PRKDC: variants seen among roughly 807,000 people sequenced by gnomAD.
PRKDC encodes DNA-dependent protein kinase catalytic subunit.
In PRKDC, 82 loss-of-function variants were observed where a neutral mutation model predicts 486.9. The observed-to-expected ratio is 0.17, with a 90% CI of 0.14 to 0.20. The LOEUF is 0.20. PRKDC is among the 10% of genes least tolerant of loss of function. The pLI, the probability that PRKDC is intolerant of heterozygous loss-of-function variation, is 1.00. For missense variants in PRKDC, 4,504 were observed against 5,038.2 expected (o/e 0.89, Z 3.21); for synonymous variants, 1,895 against 1,837.0 (o/e 1.03, Z -0.81).
intron 7 of PRKDC, among the ~76,000 whole-genome samples, chr8:47,952,240 A>T (rs555338764): frequency 1.1e-3 from 162 of 152,352 alleles, no homozygotes; most frequent in South Asian, 3.9e-3. Context: ...GGATGAATGA[A>T]TCAACAAAAT....
chr8:47,831,906 G>A lies in PRKDC; in HGVS notation c.8173C>T (p.Leu2725=), dbSNP rs766994936. 1 of 1,612,990 alleles carries A rather than the reference G, an allele frequency of 6.2e-7. No individual in the cohort carries two copies. Among genetic ancestry groups the A allele is most frequent in the African/African-American group, 1.3e-5 (1 of 74,904 alleles). ...KVKGAAGRTD[L]LRLRRRFMRD... ...ATAAACCGTCTGCGCAGTCGTAGTA[G>A]GTCCGTCCGGCCGGCCGCACCTGGA... Residue 2725 remains leucine, a synonymous_variant, in exon 60 of 86, where the codon CTA becomes TTA. Transcript: ENST00000314191.
At chr8:47,799,838 G>T (rs574400028) in intron 71 of PRKDC, among the ~76,000 whole-genome samples, 1 of 152,130 alleles carries the variant, frequency 6.6e-6, no homozygotes, top group Non-Finnish European at 1.5e-5. Context: ...AAAATAATCG[G>T]CAAGAAGCTA....
At chr8:47,952,048 C>G (rs1402233640) in intron 7 of PRKDC, among the ~76,000 whole-genome samples, 4 of 152,178 alleles carry the variant, frequency 2.6e-5, no homozygotes. Flanking sequence ...CTGTGAAAAA[C>G]AGTATGACGA....
At chr8:47,905,573 AAC>A (rs1188796519) in intron 25 of PRKDC, among the ~76,000 whole-genome samples, 1 of 152,164 alleles carries the variant, frequency 6.6e-6, no homozygotes, top group Non-Finnish European at 1.5e-5. Context: ...CCCACAGCCT[AAC>A]TGTCTCCCCT....
At position 47,785,226 on chromosome 8, in the gene PRKDC, A is replaced by G; in HGVS notation, c.10994T>C (p.Met3665Thr). 1.2e-6 allele frequency: 2 copies of G among 1,613,914 alleles called. No homozygotes were observed. The highest frequency in any genetic ancestry group is 1.1e-5 in the South Asian group (1 of 91,066). Residue 3665 changes from methionine (M) to threonine (T), a missense_variant, in exon 77 of 86, where the codon ATG (methionine) becomes ACG (threonine). Met to Thr is a moderately conservative substitution (Grantham distance 81). Coordinates refer to ENST00000314191, the MANE Select transcript of PRKDC (RefSeq NM_006904.7). Reference sequence around the variant, plus strand: ...GTCTTTGTTCATTTTTAAAAGTAGCATGTTGGTAATGTCGTTGAAGTCACT... The same window carrying G: ...GTCTTTGTTCATTTTTAAAAGTAGCGTGTTGGTAATGTCGTTGAAGTCACT... ...KLSDFNDITN[M>T]LLLKMNKDSK...
intron 67 of PRKDC, among the ~76,000 whole-genome samples, chr8:47,818,632 A>G (rs1226413237): frequency 1.3e-5 from 2 of 151,822 alleles, no homozygotes; most frequent in Admixed American, 6.6e-5. Flanking sequence ...AGAGATTAAC[A>G]TAGCTCCTGA....
intron 11 of PRKDC, among the ~76,000 whole-genome samples, chr8:47,938,380 C>T (rs1358616193): frequency 6.7e-6 from 1 of 149,382 alleles, no homozygotes. Context: ...CATCGCACTC[C>T]AGCCTGGGCA....
At position 47,785,256 on chromosome 8, in the gene PRKDC, T is replaced by A; in HGVS notation, c.10964A>T (p.Lys3655Met). ...GGTAATGTCGTTGAAGTCACTGAGC[T>A]TCATTCTCAGTAGTTTAGAACCTCC... is the stretch of plus-strand genomic sequence containing the variant. ...GKGGSKLLRMKLSDFNDITNM... is the reference protein window; with the variant it reads ...GKGGSKLLRMMLSDFNDITNM... Residue 3655 changes from lysine (K) to methionine (M), a missense_variant, in exon 77 of 86, where the codon AAG becomes ATG. By Grantham distance (95) the Lys-to-Met change is moderately conservative (BLOSUM62 -1). This residue lies in a region of PRKDC where 706 missense variants were observed against 945.0 expected (regional missense o/e 0.75). Transcript: ENST00000314191. The A allele has an allele frequency of 1.9e-6, 3 of 1,613,274 alleles. No individual in the cohort carries two copies. Among genetic ancestry groups the A allele is most frequent in the Non-Finnish European group, 2.5e-6 (3 of 1,179,488 alleles).
chr8:47,848,927 C>T (rs1001262415), intron 54 of PRKDC, among the ~76,000 whole-genome samples: 5 of 152,190 alleles, frequency 3.3e-5, no homozygotes, highest in Non-Finnish European at 2.9e-5. Context: ...ATGAAAAACA[C>T]GCCCTGGGAT....
intron 69 of PRKDC, among the ~76,000 whole-genome samples, chr8:47,803,933 C>CAAAAAA (rs58802347): frequency 2.1e-5 from 3 of 141,542 alleles, no homozygotes; most frequent in African/African-American, 7.9e-5. Flanking sequence ...AGCAAGTCTC[C>CAAAAAA]AAAAAAAAAA....
rs535376796 is a variant in PRKDC, at chr8:47,877,755, A to G, written c.5332T>C (p.Phe1778Leu). The G allele has an allele frequency of 1.3e-6, 2 of 1,595,148 alleles. No homozygotes were observed. Among genetic ancestry groups the G allele is most frequent in the African/African-American group, 2.7e-5 (2 of 74,358 alleles). Residue 1778 changes from phenylalanine (F) to leucine (L), a missense_variant, in exon 40 of 86, where the codon TTT (phenylalanine) becomes CTT (leucine). Phe to Leu is a conservative substitution (Grantham distance 22). Around this residue, in one of 6 missense-constraint regions of PRKDC, gnomAD observed 1,969 missense variants for 2,068.9 expected, o/e 0.95. Transcript: ENST00000314191. The stretch of plus-strand genomic sequence containing the variant: ...GCAATCCTCCTGAAACTGGATTGAA[A>G]TAATTCTTCCATGACATGCTGCTGT... ...REQQHVMEEL[F>L]QSSFRRIARR...
chr8:47,881,087 A>C (rs539156078), intron 38 of PRKDC, among the ~76,000 whole-genome samples: 129 of 134,898 alleles, frequency 9.6e-4, no homozygotes, highest in East Asian at 5.9e-3. Context: ...AGAAAGCAAG[A>C]AAGCAAGCAA....
intron 16 of PRKDC, among the ~76,000 whole-genome samples, chr8:47,931,624 G>A (rs2090255725): frequency 6.6e-6 from 1 of 152,096 alleles, no homozygotes; most frequent in Non-Finnish European, 1.5e-5. Context: ...TAAAGCTGAT[G>A]TGACCACCGG....
intron 36 of PRKDC, among the ~76,000 whole-genome samples, chr8:47,885,303 C>A (rs535387569): frequency 6.6e-6 from 1 of 152,128 alleles, no homozygotes; most frequent in East Asian, 1.9e-4. Flanking sequence ...AGGCACACAC[C>A]ACCATGCCTG....
intron 21 of PRKDC, 60 bp downstream of exon 21, chr8:47,927,134 T>G: frequency 6.6e-7 from 1 of 1,518,428 alleles, no homozygotes; most frequent in South Asian, 1.2e-5. Flanking sequence ...GTCCTACCTA[T>G]TATAGTTACT....
Position 47,954,384 on chromosome 8 carries a change from A to G in PRKDC, c.462T>C (p.Ser154=). 7.2e-7 allele frequency: 1 copy of G among 1,389,608 alleles called. No homozygotes were observed. Among genetic ancestry groups the G allele is most frequent in the Non-Finnish European group, 9.8e-7 (1 of 1,022,608 alleles). 86.1% of individuals were successfully genotyped at this position (1,389,608 alleles called of 1,614,324 possible). ...TCAATGCAAGTTCTCCATAGAATTTACTAAATAATTCTCCAATTTTAAATT... is the reference window on the plus strand; with the variant it reads ...TCAATGCAAGTTCTCCATAGAATTTGCTAAATAATTCTCCAATTTTAAATT... ...MDEFKIGELF[S]KFYGELALKK... The change falls in exon 5 of 86, where the codon AGT becomes AGC. Residue 154 remains serine, a synonymous_variant. Coordinates refer to ENST00000314191, the MANE Select transcript of PRKDC (RefSeq NM_006904.7).
At chr8:47,819,552 A>C in intron 66 of PRKDC, 42 bp from the exon 67 acceptor site, 2 of 1,063,736 alleles carry the variant, frequency 1.9e-6, no homozygotes, top group Non-Finnish European at 2.7e-6. Context: ...TACAAATGCC[A>C]TGTTATAAAT....
chr8:47,839,027 A>T, intron 56 of PRKDC, 121 bp downstream of exon 56: 1 of 719,574 alleles, frequency 1.4e-6, no homozygotes, highest in African/African-American at 1.8e-5. Flanking sequence ...TGTGAAATGC[A>T]GAAAGCAGAG....
intron 21 of PRKDC, among the ~76,000 whole-genome samples, chr8:47,920,458 A>ATT (rs2090053645): frequency 1.3e-5 from 2 of 152,226 alleles, no homozygotes; most frequent in African/African-American, 2.4e-5. Flanking sequence ...GATAAATTAG[A>ATT]TTATAAAGTC....
Sources: gnomAD v4.1 joint callset for allele counts (sites outside exome capture counted in the v4.1 genomes callset) on GRCh38, gnomAD v4.1.1 for gene constraint, gnomAD v4.1.1 regional missense constraint, MANE v1.5 for transcripts, NCBI Gene and HGNC (gene_info 2026-07-23, HGNC 2026-07-21) for gene names.